The following PPP2R2C variants were observed in gnomAD, a reference collection of about 807,000 sequenced individuals.
The protein encoded by PPP2R2C is protein phosphatase 2 regulatory subunit Bgamma.
Under a neutral mutation model 45.3 loss-of-function variants are expected in PPP2R2C, and 10 were observed. The observed-to-expected ratio is 0.22, with a 90% CI of 0.14 to 0.37. The LOEUF is 0.37. Among genes scored for constraint, PPP2R2C ranks in the 10% least tolerant of loss-of-function variants. The pLI is 1.00. For synonymous variants in PPP2R2C, 257 were observed against 245.4 expected (o/e 1.05, Z -0.44); for missense variants, 308 against 619.7 (o/e 0.50, Z 5.34).
rs1483651459 is a variant in PPP2R2C at position 6,367,597 on chromosome 4, T to C, written c.625+4926A>G. ...CCGCATGGGGTCTCAGCTGCCTTTC[T>C]GGCCTCCTCCCATGTCAGAAATGAA... is the stretch of plus-strand genomic sequence containing the variant. On this transcript the variant is annotated intron_variant, in intron 5 of 8. Coordinates refer to ENST00000382599, the MANE Select transcript of PPP2R2C (RefSeq NM_020416.4). 2.6e-5 allele frequency among the ~76,000 whole-genome samples: 4 copies of C among 152,218 alleles called. 1 individual carries two copies. The highest frequency in any genetic ancestry group is 2.6e-4 in the Admixed American group (4 of 15,284).
intron 2 of PPP2R2C, among the ~76,000 whole-genome samples, chr4:6,530,430 C>T (rs1482660361): frequency 6.6e-6 from 1 of 152,190 alleles, no homozygotes; most frequent in Admixed American, 6.5e-5. Context: ...ACCCTGGGAT[C>T]CCCTCTGCCC....
At chr4:6,542,876 A>G (rs1724851427) in intron 1 of PPP2R2C, among the ~76,000 whole-genome samples, 1 of 152,174 alleles carries the variant, frequency 6.6e-6, no homozygotes, top group Non-Finnish European at 1.5e-5. Context: ...AACCTTAGAT[A>G]TTTACAACCC....
chr4:6,487,690 G>A (rs143829903), intron 2 of PPP2R2C, among the ~76,000 whole-genome samples: 4 of 151,774 alleles, frequency 2.6e-5, no homozygotes, highest in African/African-American at 4.8e-5. Flanking sequence ...CCTTAGTGTG[G>A]TTTTTTCCCA....
chr4:6,421,184 G>A, intron 1 of PPP2R2C: 1 of 956,086 alleles, frequency 1.0e-6, no homozygotes, highest in Non-Finnish European at 1.2e-6. Context: ...ACCAGTGGGG[G>A]CCAATCAGAT....
chr4:6,472,088 G>T, intron 1 of PPP2R2C, 72 bp downstream of exon 1: 2 of 1,596,310 alleles, frequency 1.3e-6, no homozygotes, highest in Non-Finnish European at 1.7e-6. Context: ...CCAAACCTTC[G>T]GAGGGCATTC....
chr4:6,378,960 A>G lies in PPP2R2C; in HGVS notation c.169-388T>C, dbSNP rs1263100367. Among the ~76,000 whole-genome samples, 1 of 151,816 alleles carries G rather than the reference A, an allele frequency of 6.6e-6. No individual in the cohort carries two copies. On this transcript the variant is annotated intron_variant, in intron 2 of 8. Transcript: ENST00000382599. The surrounding 1 kb of genome is among the most constrained non-coding windows in gnomAD (Gnocchi z 5.2). ...CCAGCAAACAGAGACTCAGAGGGGAAGTGACTTCCCAGAGCCGTGAGGTCA... is the reference window on the plus strand; with the variant it reads ...CCAGCAAACAGAGACTCAGAGGGGAGGTGACTTCCCAGAGCCGTGAGGTCA...
intron 1 of PPP2R2C, chr4:6,383,122 G>A: frequency 2.7e-6 from 3 of 1,110,292 alleles, no homozygotes; most frequent in Non-Finnish European, 3.3e-6. Flanking sequence ...GAGATGCAAA[G>A]GGGCTTAGGT....
intron 1 of PPP2R2C, among the ~76,000 whole-genome samples, chr4:6,555,061 C>A (rs555747003): frequency 2.0e-5 from 3 of 152,192 alleles, no homozygotes; most frequent in Admixed American, 1.3e-4. Context: ...GATCAAGATG[C>A]CAGCAGATTC....
At chr4:6,464,280 T>C (rs946537357) in intron 1 of PPP2R2C, among the ~76,000 whole-genome samples, 5 of 152,232 alleles carry the variant, frequency 3.3e-5, no homozygotes, top group Non-Finnish European at 7.3e-5. Context: ...ACTTGGATCA[T>C]TCTGCTCAAG....
At chr4:6,526,063 T>G (rs551823809) in intron 2 of PPP2R2C, among the ~76,000 whole-genome samples, 112 of 152,304 alleles carry the variant, frequency 7.4e-4, no homozygotes, top group African/African-American at 2.7e-3. Context: ...CTACAGAGGC[T>G]GCACAGAGGC....
intron 5 of PPP2R2C, chr4:6,349,110 TC>T: frequency 1.0e-6 from 1 of 985,334 alleles, no homozygotes; most frequent in South Asian, 4.7e-5. Flanking sequence ...CCCCCGAGCT[TC>T]TCTCCGGCTT....
chr4:6,324,599 T>G lies in PPP2R2C; in HGVS notation c.1053-1006A>C, dbSNP rs911946684. On this transcript the variant is annotated intron_variant, in intron 8 of 8. Transcript: ENST00000382599. This position sits in a 1 kb window ranked among gnomAD's most constrained non-coding sequence, Gnocchi z 4.1. ...CTGCTTCCCTCCAGGGGCCCGCCTG[T>G]CCCGAGGACTCGGGCGAATAAACAA... Among the ~76,000 whole-genome samples the G allele has an allele frequency of 1.3e-5, 2 of 152,172 alleles. No homozygotes were observed. Among genetic ancestry groups the G allele is most frequent in the African/African-American group, 4.8e-5 (2 of 41,460 alleles).
intron 2 of PPP2R2C, among the ~76,000 whole-genome samples, chr4:6,530,128 T>C (rs1029686340): frequency 6.6e-6 from 1 of 152,144 alleles, no homozygotes; most frequent in Admixed American, 6.5e-5. Flanking sequence ...GAGGGTTTAC[T>C]CTGGGCCAGG....
intron 1 of PPP2R2C, among the ~76,000 whole-genome samples, chr4:6,413,674 G>T (rs966068653): frequency 1.3e-5 from 2 of 152,180 alleles, no homozygotes; most frequent in African/African-American, 4.8e-5. Context: ...CATTCATGAT[G>T]AGGGGAAAGC....
At chr4:6,484,775 G>A in intron 2 of PPP2R2C, among the ~76,000 whole-genome samples, 1 of 151,820 alleles carries the variant, frequency 6.6e-6, no homozygotes, top group Non-Finnish European at 1.5e-5. Flanking sequence ...GATTGAGCTT[G>A]TGCCTTGCAA....
chr4:6,512,965 A>G (rs886104719), intron 2 of PPP2R2C, among the ~76,000 whole-genome samples: 4 of 152,134 alleles, frequency 2.6e-5, no homozygotes, highest in African/African-American at 9.7e-5. Flanking sequence ...GCTGGTCCAC[A>G]TATCAGGATA....
chr4:6,475,405 A>C (rs1560575078), upstream of PPP2R2C, among the ~76,000 whole-genome samples: 1 of 152,154 alleles, frequency 6.6e-6, no homozygotes, highest in Non-Finnish European at 1.5e-5. Context: ...GTGTCCCTTC[A>C]GCCACCAGCA....
At chr4:6,407,722 C>A (rs1376363068) in intron 1 of PPP2R2C, among the ~76,000 whole-genome samples, 1 of 152,148 alleles carries the variant, frequency 6.6e-6, no homozygotes, top group Non-Finnish European at 1.5e-5. Flanking sequence ...ATTTAGAAGT[C>A]AAATACCCTT....
At chr4:6,464,438 G>A (rs376883040) in intron 1 of PPP2R2C, among the ~76,000 whole-genome samples, 1 of 152,176 alleles carries the variant, frequency 6.6e-6, no homozygotes, top group Non-Finnish European at 1.5e-5. Flanking sequence ...AAGACACTGG[G>A]AGAGGAGAGT....
Sources: gnomAD v4.1 joint callset for allele counts (sites outside exome capture counted in the v4.1 genomes callset) on GRCh38, gnomAD v4.1.1 for gene constraint, Gnocchi (gnomAD v3.1) non-coding constraint, MANE v1.5 for transcripts, NCBI Gene and HGNC (gene_info 2026-07-23, HGNC 2026-07-21) for gene names.